SUPT3H: variants seen among roughly 807,000 people sequenced by gnomAD.
SUPT3H encodes SPT3 homolog, SAGA and STAGA complex component, also known as transcription initiation protein SPT3 homolog.
Under a neutral mutation model 44.3 loss-of-function variants are expected in SUPT3H, and 44 were observed. The observed-to-expected ratio is 0.99, with a 90% CI of 0.78 to 1.28. The LOEUF (loss-of-function observed/expected upper bound fraction) is 1.28, where lower values mean the gene tolerates loss of function less well. SUPT3H is among the 50% of genes most tolerant of loss of function. SUPT3H has a pLI of 0.00. For missense variants in SUPT3H, 380 were observed against 387.1 expected, an observed-to-expected ratio of 0.98 and a Z score of 0.15; for synonymous variants, 124 against 125.6, an observed-to-expected ratio of 0.99 and a Z score of 0.09.
intron 2 of SUPT3H, among the ~76,000 whole-genome samples, chr6:45,302,243 A>C (rs896298145): frequency 1.3e-5 from 2 of 151,878 alleles, no homozygotes; most frequent in Admixed American, 1.3e-4. Context: ...GTAGTCTTTT[A>C]TCCCTCACCC....
intron 2 of SUPT3H, among the ~76,000 whole-genome samples, chr6:45,242,237 T>C (rs1770490351): frequency 6.6e-6 from 1 of 152,194 alleles, no homozygotes; most frequent in Admixed American, 6.5e-5. Context: ...GTGTAGGTAC[T>C]TTCTAAACAG....
chr6:45,257,798 C>A (rs1738698168), intron 2 of SUPT3H, among the ~76,000 whole-genome samples: 1 of 152,146 alleles, frequency 6.6e-6, no homozygotes, highest in Admixed American at 6.5e-5. Context: ...ACCTCTTAAC[C>A]TTTTTCCCAT....
At chr6:45,210,075 G>A (rs971550989) in intron 2 of SUPT3H, among the ~76,000 whole-genome samples, 2 of 152,070 alleles carry the variant, frequency 1.3e-5, no homozygotes, top group Non-Finnish European at 1.5e-5. Flanking sequence ...AAGTATTTTT[G>A]TAATTAAGGT....
intron 2 of SUPT3H, among the ~76,000 whole-genome samples, chr6:45,302,540 TATATATATATATATATGC>T (rs1164764752): frequency 4.0e-4 from 36 of 89,570 alleles, no homozygotes; most frequent in East Asian, 2.6e-3. Context: ...TATATATATA[TATATATATATATATATGC>T]ATGCCACAAT....
At position 45,020,908 on chromosome 6, in the gene SUPT3H, A is replaced by G. The variant is rs73737829; in HGVS notation, c.187-276T>C. 8.7e-3 allele frequency among the ~76,000 whole-genome samples: 1,319 copies of G among 152,072 alleles called. 24 individuals are homozygous for G. The highest frequency in any genetic ancestry group is 0.03 in the African/African-American group (1,244 of 41,550). The stretch of plus-strand genomic sequence containing the variant: ...GAAAAATCATACACAGCTTCCAGAA[A>G]TGCATTAATGCACCTGAAAATGATT... On this transcript the variant is annotated intron_variant, in intron 3 of 10. Transcript: ENST00000371459.
At position 45,020,551 on chromosome 6, in the gene SUPT3H, C is replaced by G; in HGVS notation, c.268G>C (p.Asp90His). ...ATAAAATTATGTTATATTACCTTAT[C>G]TTTGCGCATCAAAAACAGAAGATCT... is the stretch of plus-strand genomic sequence containing the variant. ...PEDLLFLMRK[D>H]KKKLRRLLKY... The change falls in exon 4 of 11, where the codon GAT (aspartate) becomes CAT (histidine). Residue 90 changes from aspartate to histidine, a missense_variant. Physicochemically the swap from Asp to His is moderately conservative, Grantham distance 81. Transcript: ENST00000371459. 11 of 1,610,012 alleles carry G rather than the reference C, an allele frequency of 6.8e-6. No homozygotes were observed. The highest frequency in any genetic ancestry group is 9.3e-6 in the Non-Finnish European group (11 of 1,177,310).
intron 2 of SUPT3H, among the ~76,000 whole-genome samples, chr6:45,271,937 A>G (rs1315401698): frequency 6.6e-6 from 1 of 152,174 alleles, no homozygotes; most frequent in Non-Finnish European, 1.5e-5. Context: ...ATTTTGGAGC[A>G]TTAAGATTTG....
At position 44,922,325 on chromosome 6, in the gene SUPT3H, A is replaced by G. The variant is rs139452053; in HGVS notation, c.912+10328T>C. ...ATGTTGGGCACAATAAGAGTAAGGT[A>G]TCAGTTTCATTTTTGAAAGGTGCAA... On this transcript the variant is annotated intron_variant, in intron 10 of 10. Coordinates refer to ENST00000371459, the MANE Select transcript of SUPT3H (RefSeq NM_003599.4). Among the ~76,000 whole-genome samples, 994 of 152,352 alleles carry G rather than the reference A, an allele frequency of 6.5e-3. 13 individuals carry two copies. The highest frequency in any genetic ancestry group is 0.023 in the African/African-American group (939 of 41,588).
At chr6:45,215,204 T>C (rs1764841406) in intron 2 of SUPT3H, among the ~76,000 whole-genome samples, 1 of 152,056 alleles carries the variant, frequency 6.6e-6, no homozygotes. Flanking sequence ...TTATCCCTAA[T>C]TAACAAAATT....
chr6:44,822,457 G>A (rs183225225), downstream of SUPT3H, among the ~76,000 whole-genome samples: 51 of 152,242 alleles, frequency 3.3e-4, no homozygotes, highest in East Asian at 8.5e-3. Flanking sequence ...TTTCAAAGAT[G>A]GACTATATAC....
At chr6:45,325,471 G>GA (rs1362898308) in intron 2 of SUPT3H, among the ~76,000 whole-genome samples, 3 of 151,900 alleles carry the variant, frequency 2.0e-5, no homozygotes, top group African/African-American at 7.2e-5. Context: ...GGAGAAGCAA[G>GA]ATACCAACAA....
At chr6:45,149,879 C>T (rs1217308391) in intron 2 of SUPT3H, among the ~76,000 whole-genome samples, 1 of 152,172 alleles carries the variant, frequency 6.6e-6, no homozygotes, top group Non-Finnish European at 1.5e-5. Flanking sequence ...AGCATCACTT[C>T]TTGGCCTTTT....
chr6:44,987,822 T>G (rs1446980170), intron 6 of SUPT3H, among the ~76,000 whole-genome samples: 1 of 152,030 alleles, frequency 6.6e-6, no homozygotes, highest in African/African-American at 2.4e-5. Context: ...TGCAACAAGA[T>G]GAAGTGAATC....
chr6:45,100,922 G>A (rs1372469317), intron 3 of SUPT3H, among the ~76,000 whole-genome samples: 2 of 152,098 alleles, frequency 1.3e-5, no homozygotes, highest in East Asian at 1.9e-4. Context: ...ACTCACAATA[G>A]CCAAGACATG....
chr6:45,323,076 G>A (rs1021479503), intron 2 of SUPT3H: 22 of 667,514 alleles, frequency 3.3e-5, no homozygotes, highest in African/African-American at 7.5e-5. Flanking sequence ...TTACTGTGCC[G>A]GTTGTGAAAC....
chr6:44,850,473 C>T (rs1772680948), intron 10 of SUPT3H, among the ~76,000 whole-genome samples: 1 of 152,082 alleles, frequency 6.6e-6, no homozygotes, highest in Non-Finnish European at 1.5e-5. Context: ...GAAGCTGCCA[C>T]AGAATAGCCA....
At chr6:45,053,412 A>G (rs943773432) in intron 3 of SUPT3H, among the ~76,000 whole-genome samples, 15 of 152,084 alleles carry the variant, frequency 9.9e-5, no homozygotes, top group African/African-American at 3.6e-4. Flanking sequence ...TCTGCAGAAG[A>G]TACCTGATGG....
intron 5 of SUPT3H, among the ~76,000 whole-genome samples, chr6:45,004,905 G>A (rs1782487364): frequency 6.6e-6 from 1 of 152,112 alleles, no homozygotes; most frequent in Admixed American, 6.6e-5. Flanking sequence ...TTTACAGTAT[G>A]TATGTACCAC....
chr6:44,988,813 A>G (rs1780194693), intron 6 of SUPT3H, among the ~76,000 whole-genome samples: 1 of 152,110 alleles, frequency 6.6e-6, no homozygotes, highest in African/African-American at 2.4e-5. Context: ...GAGATTGTCT[A>G]TTTCTCCACA....
Sources: allele counts gnomAD v4.1 joint callset (sites outside exome capture counted in the v4.1 genomes callset), GRCh38; gene constraint gnomAD v4.1.1; transcripts MANE v1.5; gene names NCBI Gene and HGNC (gene_info 2026-07-23, HGNC 2026-07-21).